NOA1: variants seen among roughly 807,000 people sequenced by gnomAD.
The protein encoded by NOA1 is nitric oxide-associated protein 1.
In NOA1, 35 loss-of-function variants were observed where a neutral mutation model predicts 58.4. The ratio of observed to expected loss-of-function variants is 0.60; its 90% confidence interval spans 0.46 to 0.79. The LOEUF is 0.79. Among genes scored for constraint, NOA1 ranks in the 30% least tolerant of loss-of-function variants. The probability of loss-of-function intolerance (pLI) is 0.00; values close to 1 mark genes in which losing one functional copy is unlikely to be tolerated. For missense variants in NOA1, 895 were observed against 894.6 expected (o/e 1.00, Z -0.01); for synonymous variants, 397 against 373.4 (o/e 1.06, Z -0.73).
Position 56,966,635 on chromosome 4 carries a change from A to C in NOA1, c.1749T>G (p.Gly583=). 1 of 1,609,036 alleles carries C rather than the reference A, an allele frequency of 6.2e-7. No individual in the cohort carries two copies. ...GTTGCCTTACCTGGAGTAACGTATG[A>C]CCTGCATGCTTCTGATACAGAGCGT... The part of the protein sequence containing the change: ...RADALYQKHA[G]HTLLQIPMGG... Residue 583 remains glycine (G), a synonymous_variant, in exon 5 of 7, where the codon GGT becomes GGG. Coordinates refer to ENST00000264230, the MANE Select transcript of NOA1 (RefSeq NM_032313.4).
chr4:56,977,448 C>G lies in NOA1; in HGVS notation c.138G>C (p.Ser46=), dbSNP rs768528608. 1.9e-6 allele frequency: 3 copies of G among 1,614,030 alleles called. No individual in the cohort carries two copies. The East Asian group carries it at 6.7e-5, about 36-fold the overall frequency. ...CATAAGGAAGCTCGCGTCCCAGACTCGATGAGTGCTGGAAGGAGGAGGCGG... is the reference window on the plus strand; with the variant it reads ...CATAAGGAAGCTCGCGTCCCAGACTGGATGAGTGCTGGAAGGAGGAGGCGG... ...CAAASSFQHS[S]SLGRELPYDP... The change falls in exon 1 of 7, where the codon TCG becomes TCC. Residue 46 remains serine, a synonymous_variant. Coordinates refer to ENST00000264230, the MANE Select transcript of NOA1 (RefSeq NM_032313.4).
intron 3 of NOA1, among the ~76,000 whole-genome samples, chr4:56,971,815 T>C (rs1721815999): frequency 6.6e-6 from 1 of 151,990 alleles, no homozygotes; most frequent in East Asian, 1.9e-4. Flanking sequence ...AAGTTACCTA[T>C]GAGGCCCAAA....
At chr4:56,974,061 A>C in intron 1 of NOA1, 39 bp from the exon 2 acceptor site, 1 of 1,485,514 alleles carries the variant, frequency 6.7e-7, no homozygotes. Flanking sequence ...ACAAAAGGGA[A>C]TAAGGGGGAA....
chr4:56,970,444 C>T (rs1463207031), intron 3 of NOA1, among the ~76,000 whole-genome samples: 1 of 151,044 alleles, frequency 6.6e-6, no homozygotes, highest in African/African-American at 2.4e-5. Flanking sequence ...GCCTGGGCAA[C>T]AGGGGAAACC....
At position 56,966,740 on chromosome 4, in the gene NOA1, A is replaced by C; in HGVS notation, c.1648-4T>G. ...TAAACCAAGCTGACTGATTTCCCTT[A>C]AGAAAGGAAGAAGTTATCTGACCTG... On this transcript the variant is annotated splice_polypyrimidine_tract_variant and splice_region_variant and intron_variant, in intron 4 of 6. Coordinates refer to ENST00000264230, the MANE Select transcript of NOA1 (RefSeq NM_032313.4). 4 of 1,584,766 alleles carry C rather than the reference A, an allele frequency of 2.5e-6. No homozygotes were observed. The highest frequency in any genetic ancestry group is 3.5e-6 in the Non-Finnish European group (4 of 1,153,748).
chr4:56,971,311 A>G (rs1721807487), intron 3 of NOA1, among the ~76,000 whole-genome samples: 1 of 87,898 alleles, frequency 1.1e-5, no homozygotes, highest in African/African-American at 5.5e-5. Flanking sequence ...GTCAGACTCC[A>G]TCTCAAAAAA....
Position 56,976,960 on chromosome 4 carries a change from A to T in NOA1, c.626T>A (p.Leu209Ter). The T allele has an allele frequency of 6.2e-7, 1 of 1,601,404 alleles. No homozygotes were observed. The change falls in exon 1 of 7, where the codon TTG (leucine) becomes TAG (stop). Residue 209 changes from leucine (L) to a stop codon, truncating the protein, a stop_gained. Coordinates refer to ENST00000264230, the MANE Select transcript of NOA1 (RefSeq NM_032313.4). LOFTEE classifies it high-confidence loss of function. ...EQYLELVSAA[L>*]RRPGPSLVLY... is the part of the protein sequence containing the mutation. ...CACCAGGGAGGGGCCGGGCCGCCGCAACGCGGCGCTCACCAGCTCCAGGTA... is the reference window on the plus strand; with the variant it reads ...CACCAGGGAGGGGCCGGGCCGCCGCTACGCGGCGCTCACCAGCTCCAGGTA...
intron 6 of NOA1, 40 bp from the exon 7 acceptor site, chr4:56,963,701 A>G: frequency 6.6e-7 from 1 of 1,507,494 alleles, no homozygotes; most frequent in South Asian, 1.1e-5. Flanking sequence ...GCTGTTAGCA[A>G]TCATCTTATT....
At chr4:56,974,090 G>GCGACCACCGA in intron 1 of NOA1, 68 bp from the exon 2 acceptor site, 1 of 812,210 alleles carries the variant, frequency 1.2e-6, no homozygotes, top group South Asian at 3.4e-5. Context: ...ACATTTTTGA[G>GCGACCACCGA]GATCTACACT....
chr4:56,964,992 G>A (rs1721670799), intron 5 of NOA1, among the ~76,000 whole-genome samples: 1 of 142,270 alleles, frequency 7.0e-6, no homozygotes, highest in South Asian at 2.3e-4. Context: ...ACGATTAGAA[G>A]TAATTGAGTA....
Position 56,977,149 on chromosome 4 carries a change from GC to G in NOA1, c.436del (p.Ala146GlnfsTer51). The G allele has an allele frequency of 6.4e-7, 1 of 1,557,068 alleles. No individual in the cohort carries two copies. On this transcript the variant is annotated frameshift_variant, in exon 1 of 7. Coordinates refer to ENST00000264230, the MANE Select transcript of NOA1 (RefSeq NM_032313.4). LOFTEE classifies it high-confidence loss of function. ...TCCGGCGTCCTGGCAGTGCAGCTCT[GC>G]CCCACAGCCCGAGCAGTTCACGCCG... ...PSGVNCSGCG[A>X]ELHCQDAGVP...
chr4:56,974,039 A>AAAT lies in NOA1; in HGVS notation c.1145-20_1145-18dup, dbSNP rs1332657261. ...ATGTAGTACCTGAAATACACAGAATAAATACATCTTTACAAAAGGGAATAA... is the reference window on the plus strand; with the variant it reads ...ATGTAGTACCTGAAATACACAGAATAAATAATACATCTTTACAAAAGGGAATAA... On this transcript the variant is annotated splice_polypyrimidine_tract_variant and intron_variant, in intron 1 of 6. Transcript: ENST00000264230. 1.3e-6 allele frequency: 2 copies of AAAT among 1,588,212 alleles called. No individual in the cohort carries two copies. Among genetic ancestry groups the AAAT allele is most frequent in the African/African-American group, 2.7e-5 (2 of 74,248 alleles).
At chr4:56,970,357 G>C (rs558250068) in intron 3 of NOA1, among the ~76,000 whole-genome samples, 1 of 151,976 alleles carries the variant, frequency 6.6e-6, no homozygotes, top group East Asian at 2.0e-4. Flanking sequence ...TGTGGCCCTA[G>C]CTACTTGGGA....
Position 56,977,203 on chromosome 4 carries a change from CCCACGACCGGGTGCT to C in NOA1, c.368_382del (p.Glu123_Val127del). On this transcript the variant is annotated inframe_deletion, in exon 1 of 7. Coordinates refer to ENST00000264230, the MANE Select transcript of NOA1 (RefSeq NM_032313.4). ...GGGCGGCAATGCCGGGTCCGGGTGC[CCCACGACCGGGTGCT>C]CCCGGGACCTGGCCCGTAGGTTTTG... 6.4e-7 allele frequency: 1 copy of C among 1,571,304 alleles called. No individual in the cohort carries two copies.
intron 3 of NOA1, among the ~76,000 whole-genome samples, chr4:56,971,227 C>T (rs1281888370): frequency 2.7e-5 from 4 of 146,618 alleles, no homozygotes; most frequent in African/African-American, 2.5e-5. Context: ...GCAGGACAAT[C>T]GCTTGAACCC....
rs1266072405 is a variant in NOA1 at position 56,966,029 on chromosome 4, T to TC, written c.1764+590_1764+591insG. ...CTTGAGCAAATTTTCTTTTTTTTTT[T>TC]TTTTTTTTTTTGAGATGGAGTCTCT... On this transcript the variant is annotated intron_variant, in intron 5 of 6. Coordinates refer to ENST00000264230, the MANE Select transcript of NOA1 (RefSeq NM_032313.4). 1.5e-3 allele frequency among the ~76,000 whole-genome samples: 211 copies of TC among 141,472 alleles called. 1 individual carries two copies. The highest frequency in any genetic ancestry group is 5.5e-3 in the African/African-American group (204 of 37,164). 92.8% of individuals were successfully genotyped at this position (141,472 alleles called of 152,430 possible).
chr4:56,973,478 A>T, intron 2 of NOA1, 125 bp from the exon 3 acceptor site: 1 of 820,324 alleles, frequency 1.2e-6, no homozygotes, highest in Non-Finnish European at 1.9e-6. Context: ...CCATAATGAT[A>T]CTTTTGCTTT....
intron 4 of NOA1, 69 bp downstream of exon 4, chr4:56,968,315 T>G: frequency 6.9e-7 from 1 of 1,458,976 alleles, no homozygotes; most frequent in Non-Finnish European, 9.4e-7. Flanking sequence ...GTCGTGTTCA[T>G]ACATCTGCTT....
Position 56,966,636 on chromosome 4 carries a change from C to A in NOA1, c.1748G>T (p.Gly583Val), listed in dbSNP as rs778314678. 2.5e-6 allele frequency: 4 copies of A among 1,609,460 alleles called. No individual in the cohort carries two copies. In the South Asian group the frequency reaches 4.4e-5, roughly 18 times the overall value. Reference sequence around the variant, plus strand: ...TTGCCTTACCTGGAGTAACGTATGACCTGCATGCTTCTGATACAGAGCGTC... The same window carrying A: ...TTGCCTTACCTGGAGTAACGTATGAACTGCATGCTTCTGATACAGAGCGTC... ...RADALYQKHAGHTLLQIPMGG... is the reference protein window; with the variant it reads ...RADALYQKHAVHTLLQIPMGG... The change falls in exon 5 of 7, where the codon GGT (glycine) becomes GTT (valine). Residue 583 changes from glycine to valine, a missense_variant. Coordinates refer to ENST00000264230, the MANE Select transcript of NOA1 (RefSeq NM_032313.4).
Sources: allele counts gnomAD v4.1 joint callset (sites outside exome capture counted in the v4.1 genomes callset), GRCh38; gene constraint gnomAD v4.1.1; transcripts MANE v1.5; gene names NCBI Gene and HGNC (gene_info 2026-07-23, HGNC 2026-07-21).